The following DEK variants were observed in gnomAD, a reference collection of about 807,000 sequenced individuals.
DEK encodes the protein DEK proto-oncogene.
DEK carries 28 observed loss-of-function variants against 46.8 expected under a neutral mutation model. The ratio of observed to expected loss-of-function variants is 0.60; its 90% confidence interval spans 0.44 to 0.82. The LOEUF (loss-of-function observed/expected upper bound fraction) is 0.82, where lower values mean the gene tolerates loss of function less well. Among genes scored for constraint, DEK ranks in the 40% least tolerant of loss-of-function variants. The probability of loss-of-function intolerance (pLI) is 0.00; values close to 1 mark genes in which losing one functional copy is unlikely to be tolerated. For missense variants in DEK, 416 were observed against 430.6 expected, an observed-to-expected ratio of 0.97 and a Z score of 0.30; for synonymous variants, 160 against 144.5, an observed-to-expected ratio of 1.11 and a Z score of -0.77.
chr6:18,260,833 T>C (rs577874844), intron 2 of DEK, among the ~76,000 whole-genome samples: 2 of 151,892 alleles, frequency 1.3e-5, no homozygotes, highest in Non-Finnish European at 2.9e-5. Context: ...AAACCCTGCC[T>C]CTACAAAAAA....
At chr6:18,254,859 A>G (rs547264523) in intron 6 of DEK, among the ~76,000 whole-genome samples, 6 of 152,204 alleles carry the variant, frequency 3.9e-5, no homozygotes, top group Non-Finnish European at 8.8e-5. Context: ...GTTGTATAAC[A>G]AAAGTTTACA....
intron 7 of DEK, among the ~76,000 whole-genome samples, chr6:18,243,818 C>T (rs970736060): frequency 6.6e-6 from 1 of 152,140 alleles, no homozygotes; most frequent in Non-Finnish European, 1.5e-5. Flanking sequence ...AGCCAGTGGG[C>T]AACAGAGCAA....
At position 18,226,254 on chromosome 6, in the gene DEK, GA is replaced by G. The variant is rs1182679192; in HGVS notation, c.1048-13del. 2 of 1,335,530 alleles carry G rather than the reference GA, an allele frequency of 1.5e-6. No individual in the cohort carries two copies. The highest frequency in any genetic ancestry group is 3.0e-5 in the South Asian group (2 of 66,064). The allele number at this position is 1,335,530 out of a possible 1,614,324, so 82.7% of individuals were successfully genotyped here. A position where few individuals can be genotyped will look rare whatever the true frequency, so the allele number is the denominator to read the frequency against. ...TAATTTTCATAGACCTATGTATAGTGAAAAGGAAAAATAATGTTAAAAGCAG... is the reference window on the plus strand; with the variant it reads ...TAATTTTCATAGACCTATGTATAGTGAAAGGAAAAATAATGTTAAAAGCAG... On this transcript the variant is annotated splice_polypyrimidine_tract_variant and intron_variant, in intron 9 of 10. Coordinates refer to ENST00000652689, the MANE Select transcript of DEK (RefSeq NM_003472.4).
intron 9 of DEK, among the ~76,000 whole-genome samples, chr6:18,233,285 G>C (rs1177958000): frequency 1.3e-5 from 2 of 152,076 alleles, no homozygotes; most frequent in Non-Finnish European, 1.5e-5. Context: ...CAGGACATAG[G>C]CATGGGCAAG....
rs1582261293 is a variant in DEK at position 18,234,908 on chromosome 6, A to G, written c.1047+1544T>C. On this transcript the variant is annotated intron_variant, in intron 9 of 10. Coordinates refer to ENST00000652689, the MANE Select transcript of DEK (RefSeq NM_003472.4). ...TTCATTAATAACTCTTGCTTTTACCACCCTATGTCATCGTCTCCTAATTGC... is the reference window on the plus strand; with the variant it reads ...TTCATTAATAACTCTTGCTTTTACCGCCCTATGTCATCGTCTCCTAATTGC... Among the ~76,000 whole-genome samples, 4 of 152,068 alleles carry G rather than the reference A, an allele frequency of 2.6e-5. No individual in the cohort carries two copies. In the South Asian group the frequency reaches 8.3e-4, roughly 32 times the overall value.
intron 7 of DEK, among the ~76,000 whole-genome samples, chr6:18,240,051 C>T (rs1464708075): frequency 7.2e-5 from 11 of 152,098 alleles, no homozygotes; most frequent in African/African-American, 2.7e-4. Context: ...ATTAGAAAAT[C>T]AGAATTAGAT....
intron 1 of DEK, 98 bp from the exon 2 acceptor site, chr6:18,264,094 C>G (rs1265516971): frequency 8.5e-7 from 1 of 1,175,920 alleles, no homozygotes; most frequent in African/African-American, 1.6e-5. Flanking sequence ...CGCGGGACAC[C>G]TGCCCTGAAA....
chr6:18,246,012 C>T (rs1326840606), intron 7 of DEK, among the ~76,000 whole-genome samples: 1 of 152,064 alleles, frequency 6.6e-6, no homozygotes, highest in Non-Finnish European at 1.5e-5. Flanking sequence ...TCGCCTTCCA[C>T]CATGATTGTG....
intron 9 of DEK, among the ~76,000 whole-genome samples, chr6:18,231,938 T>C (rs1015817864): frequency 6.6e-6 from 1 of 152,212 alleles, no homozygotes; most frequent in Non-Finnish European, 1.5e-5. Context: ...CCAATATCCC[T>C]GATGAACATC....
At chr6:18,261,071 C>T (rs1791841030) in intron 2 of DEK, among the ~76,000 whole-genome samples, 1 of 151,830 alleles carries the variant, frequency 6.6e-6, no homozygotes, top group Non-Finnish European at 1.5e-5. Context: ...CCTAGATTCA[C>T]CACCAAGGCT....
chr6:18,244,512 G>A, intron 7 of DEK: 1 of 1,286,456 alleles, frequency 7.8e-7, no homozygotes, highest in Non-Finnish European at 1.0e-6. Flanking sequence ...GCTTACCTAT[G>A]ATTTATAGGC....
chr6:18,224,740 T>C lies in DEK; in HGVS notation c.*979A>G, dbSNP rs1185520311. 1.4e-5 allele frequency: 3 copies of C among 215,162 alleles called. No individual in the cohort carries two copies. Among genetic ancestry groups the C allele is most frequent in the Non-Finnish European group, 2.8e-5 (3 of 106,622 alleles). The allele number at this position is 215,162 out of a possible 1,614,324, so 13.3% of individuals were successfully genotyped here. A position where few individuals can be genotyped will look rare whatever the true frequency, so the allele number is the denominator to read the frequency against. On this transcript the variant is annotated 3_prime_UTR_variant, in exon 11 of 11. Transcript: ENST00000652689. ...AAGCTGGCTAGGTTTCCAGTAAATA[T>C]CAGCATTTTATATGGGCAAAAGCAG... is the stretch of plus-strand genomic sequence containing the variant.
At chr6:18,239,452 A>G (rs1790813411) in intron 7 of DEK, among the ~76,000 whole-genome samples, 1 of 149,350 alleles carries the variant, frequency 6.7e-6, no homozygotes, top group Admixed American at 6.8e-5. Flanking sequence ...CTACAGGCAC[A>G]CACCACCTCA....
At chr6:18,247,648 G>A (rs1043667691) in intron 7 of DEK, among the ~76,000 whole-genome samples, 12 of 151,754 alleles carry the variant, frequency 7.9e-5, no homozygotes, top group Admixed American at 3.9e-4. Flanking sequence ...TTTAGAAAGC[G>A]AATTTTAAAA....
At chr6:18,247,413 T>G (rs895638149) in intron 7 of DEK, among the ~76,000 whole-genome samples, 5 of 152,206 alleles carry the variant, frequency 3.3e-5, no homozygotes, top group African/African-American at 1.2e-4. Flanking sequence ...TTCATACACC[T>G]AATGTCTGAA....
Position 18,258,401 on chromosome 6 carries a change from C to G in DEK, c.150G>C (p.Lys50Asn). 2 of 1,607,482 alleles carry G rather than the reference C, an allele frequency of 1.2e-6. No homozygotes were observed. The highest frequency in any genetic ancestry group is 1.1e-5 in the South Asian group (1 of 90,236). Residue 50 changes from lysine (K) to asparagine (N), a missense_variant, in exon 3 of 11, where the codon AAG becomes AAC. Transcript: ENST00000652689. ...DEEEEEEEKE[K>N]SLIVEGKREK... is the part of the protein sequence containing the mutation. The stretch of plus-strand genomic sequence containing the variant: ...CCCTCTTGCCTTCCACGATGAGACT[C>G]TTTTCTAGAAATTAATTTAGTATTT...
At chr6:18,253,129 T>G (rs978518862) in intron 6 of DEK, among the ~76,000 whole-genome samples, 2 of 151,508 alleles carry the variant, frequency 1.3e-5, no homozygotes, top group Non-Finnish European at 2.9e-5. Flanking sequence ...TGAGACAGTC[T>G]CGCTCTGTCG....
chr6:18,263,396 A>G (rs943946958), intron 2 of DEK, among the ~76,000 whole-genome samples: 6 of 152,228 alleles, frequency 3.9e-5, no homozygotes, highest in Non-Finnish European at 7.3e-5. Flanking sequence ...GTCTAGCCTT[A>G]TAACTTCAGT....
chr6:18,258,241 C>T (rs866296600), intron 3 of DEK, 63 bp downstream of exon 3: 8 of 1,406,270 alleles, frequency 5.7e-6, no homozygotes, highest in Middle Eastern at 3.6e-4. Flanking sequence ...AAGCTACAAA[C>T]CATCATTTTC....
Sources: gnomAD v4.1 joint callset for allele counts (sites outside exome capture counted in the v4.1 genomes callset) on GRCh38, gnomAD v4.1.1 for gene constraint, MANE v1.5 for transcripts, NCBI Gene and HGNC (gene_info 2026-07-23, HGNC 2026-07-21) for gene names.